The following PPIP5K2 variants were observed in gnomAD, a reference collection of about 807,000 sequenced individuals.
PPIP5K2 encodes inositol hexakisphosphate and diphosphoinositol-pentakisphosphate kinase 2.
In PPIP5K2, 105 loss-of-function variants were observed where a neutral mutation model predicts 154.6. That is an observed-to-expected ratio of 0.68 (90% CI 0.58 to 0.80). The LOEUF (loss-of-function observed/expected upper bound fraction) is 0.80. Among genes scored for constraint, PPIP5K2 ranks in the 30% least tolerant of loss-of-function variants. The pLI is 0.00. For missense variants in PPIP5K2, 992 were observed against 1,504.6 expected (o/e 0.66, Z 5.64); for synonymous variants, 480 against 490.3 (o/e 0.98, Z 0.28).
At chr5:103,191,240 A>G (rs1033453096) in intron 29 of PPIP5K2, among the ~76,000 whole-genome samples, 3 of 152,020 alleles carry the variant, frequency 2.0e-5, no homozygotes, top group African/African-American at 4.8e-5. Context: ...TCAACAAAAT[A>G]TAGGGTTGTG....
chr5:103,151,595 A>G (rs1424941089), intron 9 of PPIP5K2, among the ~76,000 whole-genome samples: 3 of 152,126 alleles, frequency 2.0e-5, no homozygotes, highest in Non-Finnish European at 4.4e-5. Flanking sequence ...TTAACTTCAT[A>G]TGTTTACAAA....
Position 103,194,984 on chromosome 5 carries a change from C to G in PPIP5K2, c.3578C>G (p.Pro1193Arg), listed in dbSNP as rs368498511. ...TYTPAKILPTPPATLKSTKAS... is the reference protein window; with the variant it reads ...TYTPAKILPTRPATLKSTKAS... ...ACACCTGCAAAGATCCTCCCAACAC[C>G]ACCAGCTACCTTAAAGAGCACTAAA... Residue 1193 changes from proline (P) to arginine (R), a missense_variant, in exon 30 of 31, where the codon CCA becomes CGA. By Grantham distance (103) the Pro-to-Arg change is moderately radical (BLOSUM62 -2). This residue lies in a region of PPIP5K2 where 131 missense variants were observed against 117.8 expected (regional missense o/e 1.11). Transcript: ENST00000358359. The G allele has an allele frequency of 2.5e-6, 4 of 1,613,566 alleles. No individual in the cohort carries two copies. Among genetic ancestry groups the G allele is most frequent in the Non-Finnish European group, 3.4e-6 (4 of 1,179,818 alleles).
Position 103,210,881 on chromosome 5 carries a change from A to AT in PPIP5K2, c.*9254dup, listed in dbSNP as rs1193983076. ...TTGTTTGATATTGTGAATGCAAACT[A>AT]TTTTTTTGTGTTAGCCTAAATAAAA... On this transcript the variant is annotated 3_prime_UTR_variant, in exon 31 of 31. Coordinates refer to ENST00000358359, the MANE Select transcript of PPIP5K2 (RefSeq NM_001276277.3). 5 of 152,244 alleles carry AT rather than the reference A, an allele frequency of 3.3e-5. No homozygotes were observed. The highest frequency in any genetic ancestry group is 6.5e-5 in the Admixed American group (1 of 15,282). The allele number at this position is 152,244 out of a possible 1,614,324, so 9.4% of individuals were successfully genotyped here. A position where few individuals can be genotyped will look rare whatever the true frequency, so the allele number is the denominator to read the frequency against.
Position 103,159,106 on chromosome 5 carries a change from A to G in PPIP5K2, c.1738-40A>G, listed in dbSNP as rs782638253. On this transcript the variant is annotated intron_variant, in intron 16 of 30. Transcript: ENST00000358359. ...GTAACAAAATATTATTTTACGTATT[A>G]ATTTTTTAAATTCGTGTTTTCTTTA... 31 of 1,355,318 alleles carry G rather than the reference A, an allele frequency of 2.3e-5. No individual in the cohort carries two copies. In the Admixed American group the frequency reaches 7.5e-4, roughly 33 times the overall value. The allele number at this position is 1,355,318 out of a possible 1,614,324, so 84.0% of individuals were successfully genotyped here. A position where few individuals can be genotyped will look rare whatever the true frequency, so the allele number is the denominator to read the frequency against.
At chr5:103,127,827 G>C (rs2149446469) in intron 1 of PPIP5K2, among the ~76,000 whole-genome samples, 1 of 152,166 alleles carries the variant, frequency 6.6e-6, no homozygotes, top group Non-Finnish European at 1.5e-5. Flanking sequence ...TAGATGGAAA[G>C]AGTAAAAAAA....
chr5:103,189,718 T>C (rs558340748), intron 28 of PPIP5K2, among the ~76,000 whole-genome samples: 1 of 152,222 alleles, frequency 6.6e-6, no homozygotes, highest in African/African-American at 2.4e-5. Flanking sequence ...AAGATTAGAT[T>C]CTCTTTTAAC....
intron 2 of PPIP5K2, among the ~76,000 whole-genome samples, chr5:103,132,951 T>C (rs958855502): frequency 6.6e-6 from 1 of 152,190 alleles, no homozygotes; most frequent in African/African-American, 2.4e-5. Context: ...CTGTTAGCAG[T>C]GTGGCTTTCT....
At position 103,201,649 on chromosome 5, in the gene PPIP5K2, C is replaced by T; in HGVS notation, c.*15C>T. ...AAAAGAAATGAAATCTTAGCAGAAG[C>T]TGGAACTTTTTATACTTATAAAAAT... On this transcript the variant is annotated 3_prime_UTR_variant, in exon 31 of 31. Coordinates refer to ENST00000358359, the MANE Select transcript of PPIP5K2 (RefSeq NM_001276277.3). The T allele has an allele frequency of 6.5e-7, 1 of 1,529,472 alleles. No homozygotes were observed. Among genetic ancestry groups the T allele is most frequent in the Non-Finnish European group, 9.0e-7 (1 of 1,112,422 alleles). 94.7% of individuals were successfully genotyped at this position (1,529,472 alleles called of 1,614,324 possible).
chr5:103,146,350 G>A (rs1052231462), intron 5 of PPIP5K2, among the ~76,000 whole-genome samples, 177 bp from the exon 6 acceptor site: 6 of 151,980 alleles, frequency 3.9e-5, no homozygotes, highest in East Asian at 1.9e-4. Flanking sequence ...AATGCCATAC[G>A]TATCATAAAT....
intron 23 of PPIP5K2, among the ~76,000 whole-genome samples, 176 bp downstream of exon 23, chr5:103,178,156 A>C (rs1408158450): frequency 6.6e-6 from 1 of 152,016 alleles, no homozygotes; most frequent in Non-Finnish European, 1.5e-5. Flanking sequence ...TGCATATTGC[A>C]ATACCTAGGA....
At chr5:103,159,421 A>G (rs1174366450) in intron 17 of PPIP5K2, 93 bp downstream of exon 17, 19 of 1,052,006 alleles carry the variant, frequency 1.8e-5, no homozygotes, top group Non-Finnish European at 2.3e-5. Context: ...TTATTGTATT[A>G]TAAAGCAAAT....
chr5:103,186,974 CT>C (rs1343770049), intron 27 of PPIP5K2, among the ~76,000 whole-genome samples: 22 of 152,034 alleles, frequency 1.4e-4, no homozygotes, highest in Non-Finnish European at 3.1e-4. Flanking sequence ...AAGCGTGTCC[CT>C]TTTGTTAAGA....
At chr5:103,169,132 T>G (rs1797565939) in intron 19 of PPIP5K2, among the ~76,000 whole-genome samples, 1 of 151,796 alleles carries the variant, frequency 6.6e-6, no homozygotes, top group South Asian at 2.1e-4. Context: ...AGAATTCAAT[T>G]AACTAAAATG....
intron 30 of PPIP5K2, among the ~76,000 whole-genome samples, chr5:103,198,873 C>G (rs1554229383): frequency 2.0e-5 from 3 of 152,022 alleles, no homozygotes; most frequent in Non-Finnish European, 4.4e-5. Flanking sequence ...CTTTCCTACT[C>G]TACCTCATTT....
intron 30 of PPIP5K2, among the ~76,000 whole-genome samples, 168 bp downstream of exon 30, chr5:103,195,193 T>G (rs1439579696): frequency 1.3e-5 from 2 of 152,348 alleles, no homozygotes; most frequent in Non-Finnish European, 1.5e-5. Flanking sequence ...TATATATTTG[T>G]TTTTTGTCTG....
intron 17 of PPIP5K2, among the ~76,000 whole-genome samples, chr5:103,161,780 A>G (rs1158888031): frequency 4.6e-5 from 7 of 151,842 alleles, no homozygotes; most frequent in East Asian, 1.9e-4. Flanking sequence ...CATATCCTTC[A>G]CCCACTTTTT....
intron 10 of PPIP5K2, 40 bp from the exon 11 acceptor site, chr5:103,153,808 T>G: frequency 1.4e-6 from 2 of 1,420,260 alleles, no homozygotes; most frequent in South Asian, 1.3e-5. Flanking sequence ...ACACAAATCT[T>G]TTTTAGAGAA....
chr5:103,164,904 A>G (rs1554217263), intron 17 of PPIP5K2, among the ~76,000 whole-genome samples: 1 of 152,150 alleles, frequency 6.6e-6, no homozygotes, highest in Non-Finnish European at 1.5e-5. Flanking sequence ...CAAATTCATT[A>G]CAAAGGCATA....
chr5:103,154,732 C>A lies in PPIP5K2; in HGVS notation c.1280C>A (p.Pro427Gln). Residue 427 changes from proline to glutamine, a missense_variant, in exon 12 of 31, where the codon CCA (proline) becomes CAA (glutamine). By Grantham distance (76) the Pro-to-Gln change is moderately conservative (BLOSUM62 -1). Coordinates refer to ENST00000358359, the MANE Select transcript of PPIP5K2 (RefSeq NM_001276277.3). ...YKSGKLKLKK[P>Q]KQLQEVLDIA... ...TCAGGGAAATTAAAACTCAAAAAAC[C>A]AAAACAGTTACAGGCAAGTGTATTT... 1 of 1,586,002 alleles carries A rather than the reference C, an allele frequency of 6.3e-7. No individual in the cohort carries two copies. The highest frequency in any genetic ancestry group is 1.2e-5 in the South Asian group (1 of 85,188).
Sources: gnomAD v4.1 joint callset for allele counts (sites outside exome capture counted in the v4.1 genomes callset) on GRCh38, gnomAD v4.1.1 for gene constraint, gnomAD v4.1.1 regional missense constraint, MANE v1.5 for transcripts, NCBI Gene and HGNC (gene_info 2026-07-23, HGNC 2026-07-21) for gene names.